Variants in SYT7 observed in about 807,000 individuals in gnomAD.
SYT7 encodes the protein synaptotagmin 7.
In SYT7, 29 loss-of-function variants were observed where a neutral mutation model predicts 75.1. That is an observed-to-expected ratio of 0.39 (90% CI 0.29 to 0.53). SYT7 has a LOEUF of 0.53. SYT7 is among the 20% of genes least tolerant of loss of function. The pLI, the probability that SYT7 is intolerant of heterozygous loss-of-function variation, is 0.77. For missense variants in SYT7, 693 were observed against 953.2 expected (o/e 0.73, Z 3.59); for synonymous variants, 376 against 401.7 (o/e 0.94, Z 0.76).
chr11:61,565,008 G>T (rs1045154975), intron 1 of SYT7, among the ~76,000 whole-genome samples: 4 of 152,098 alleles, frequency 2.6e-5, no homozygotes, highest in African/African-American at 9.7e-5. Context: ...TACTGATCAG[G>T]GTGCAACCAC....
intron 9 of SYT7, 135 bp downstream of exon 9, chr11:61,527,780 T>G: frequency 1.3e-5 from 13 of 997,422 alleles, no homozygotes; most frequent in Non-Finnish European, 1.7e-5. Context: ...TGCTTGCATG[T>G]GTGTTTGTGC....
intron 1 of SYT7, among the ~76,000 whole-genome samples, chr11:61,557,463 A>C (rs2063528871): frequency 6.6e-6 from 1 of 152,174 alleles, no homozygotes; most frequent in Admixed American, 6.5e-5. Flanking sequence ...AGTCACCCTC[A>C]GGGATGACTC....
rs540013742 is a variant in SYT7, at chr11:61,546,104, C to G, written c.499G>C (p.Gly167Arg). 1,010 of 1,531,228 alleles carry G rather than the reference C, an allele frequency of 6.6e-4. 4 individuals are homozygous for G. The African/African-American group carries it at 0.012, about 19-fold the overall frequency. The allele number at this position is 1,531,228 out of a possible 1,614,324, so 94.9% of individuals were successfully genotyped here. Residue 167 changes from glycine (G) to arginine (R), a missense_variant, in exon 5 of 13, where the codon GGT becomes CGT. Physicochemically the swap from Gly to Arg is moderately radical, Grantham distance 125 (BLOSUM62 -2). This residue lies in a region of SYT7 where 487 missense variants were observed against 593.2 expected (regional missense o/e 0.82). Coordinates refer to ENST00000539008, the MANE Select transcript of SYT7 (RefSeq NM_001365809.2). The surrounding 1 kb of genome is among the most constrained non-coding windows in gnomAD (Gnocchi z 7.6). ...GGAAPSEPGSGGKAGRGRWRT... is the reference protein window; with the variant it reads ...GGAAPSEPGSRGKAGRGRWRT... ...CAGCGGCCTCTCCCCGCCTTGCCAC[C>G]GCTGCCCGGCTCGCTGGGGGCAGCC...
At chr11:61,570,663 G>T (rs2063897194) in intron 1 of SYT7, among the ~76,000 whole-genome samples, 2 of 152,144 alleles carry the variant, frequency 1.3e-5, no homozygotes, top group South Asian at 4.1e-4. Context: ...AGATGTGCAG[G>T]TCCCTGAGTT....
the SYT7 span, among the ~76,000 whole-genome samples, chr11:61,587,136 C>T: frequency 6.6e-6 from 1 of 152,198 alleles, no homozygotes; most frequent in African/African-American, 2.4e-5. Flanking sequence ...CCACCTCCCC[C>T]GGGGACTCAG....
At chr11:61,587,923 TG>T in the SYT7 span, among the ~76,000 whole-genome samples, 6 of 148,528 alleles carry the variant, frequency 4.0e-5, no homozygotes, top group Admixed American at 3.3e-4. Context: ...GGTACACAGA[TG>T]GGGGGGCGGG....
At chr11:61,530,561 G>A (rs1235796356) in intron 8 of SYT7, among the ~76,000 whole-genome samples, 1 of 152,192 alleles carries the variant, frequency 6.6e-6, no homozygotes. Flanking sequence ...CCCACTGGCA[G>A]AGGGATCGAG....
chr11:61,551,877 A>C lies in SYT7; in HGVS notation c.136-414T>G, dbSNP rs567504666. 5.9e-5 allele frequency among the ~76,000 whole-genome samples: 9 copies of C among 152,180 alleles called. No individual in the cohort carries two copies. Among genetic ancestry groups the C allele is most frequent in the African/African-American group, 2.2e-4 (9 of 41,530 alleles). ...TGGTGGGGGTGGCATCCTGCAGGGC[A>C]AGGTTGGCAGTGGCCAGTGATGTGA... On this transcript the variant is annotated intron_variant, in intron 2 of 12. Coordinates refer to ENST00000539008, the MANE Select transcript of SYT7 (RefSeq NM_001365809.2). The surrounding 1 kb of genome is among the most constrained non-coding windows in gnomAD (Gnocchi z 5.3).
At chr11:61,562,551 G>A (rs905980662) in intron 1 of SYT7, among the ~76,000 whole-genome samples, 2 of 152,176 alleles carry the variant, frequency 1.3e-5, no homozygotes, top group Non-Finnish European at 1.5e-5. Context: ...TCTGGGGCAC[G>A]GAGTTGGCAC....
chr11:61,556,004 T>C, intron 2 of SYT7, 100 bp downstream of exon 2: 3 of 1,143,620 alleles, frequency 2.6e-6, no homozygotes, highest in Admixed American at 4.4e-5. Flanking sequence ...GTGTGCACCC[T>C]TGGGAAAATT....
chr11:61,576,816 G>T lies in SYT7; in HGVS notation c.31+3974C>A, dbSNP rs1315837912. On this transcript the variant is annotated intron_variant, in intron 1 of 12. Coordinates refer to ENST00000539008, the MANE Select transcript of SYT7 (RefSeq NM_001365809.2). This position sits in a 1 kb window ranked among gnomAD's most constrained non-coding sequence, Gnocchi z 4.1. ...CATCCTGCAATGGCCGGGCTAGAGG[G>T]TGTAACAAGGAGACAGCCCCCACTG... Among the ~76,000 whole-genome samples the T allele has an allele frequency of 6.6e-6, 1 of 152,082 alleles. No homozygotes were observed. Among genetic ancestry groups the T allele is most frequent in the Non-Finnish European group, 1.5e-5 (1 of 67,990 alleles).
chr11:61,575,153 C>A (rs1360987601), intron 1 of SYT7, among the ~76,000 whole-genome samples: 1 of 151,974 alleles, frequency 6.6e-6, no homozygotes, highest in Non-Finnish European at 1.5e-5. Context: ...CTATGGCAGC[C>A]CACTGGGGCT....
In SYT7 at chr11:61,580,603, G is replaced by T. The variant is rs902432679; in HGVS notation, c.31+187C>A. 6.6e-6 allele frequency among the ~76,000 whole-genome samples: 1 copy of T among 152,104 alleles called. No individual in the cohort carries two copies. The highest frequency in any genetic ancestry group is 2.4e-5 in the African/African-American group (1 of 41,452). On this transcript the variant is annotated intron_variant, in intron 1 of 12. Transcript: ENST00000539008. This position sits in a 1 kb window ranked among gnomAD's most constrained non-coding sequence, Gnocchi z 6.1. ...CATCCAGCCTGGCAGTGTCCAGACT[G>T]CGGGGGACCGGGGTCCGAGCCGCTG...
intron 1 of SYT7, among the ~76,000 whole-genome samples, chr11:61,579,820 G>A (rs1203216445): frequency 6.6e-6 from 1 of 152,232 alleles, no homozygotes; most frequent in African/African-American, 2.4e-5. Context: ...GAGAAGCCCA[G>A]AAACAGACCC....
chr11:61,546,505 G>C lies in SYT7; in HGVS notation c.348-250C>G. ...AGCCTGCAGAGGAGAGAGGGGGACC[G>C]GGCGGGCTGGGGGTCGGAGAACAAC... On this transcript the variant is annotated intron_variant, in intron 4 of 12. Coordinates refer to ENST00000539008, the MANE Select transcript of SYT7 (RefSeq NM_001365809.2). This position sits in a 1 kb window ranked among gnomAD's most constrained non-coding sequence, Gnocchi z 7.6. The C allele has an allele frequency of 3.7e-6, 2 of 541,846 alleles. No individual in the cohort carries two copies. The highest frequency in any genetic ancestry group is 3.8e-5 in the South Asian group (2 of 52,976). 33.6% of individuals were successfully genotyped at this position (541,846 alleles called of 1,614,324 possible). A position where few individuals can be genotyped will look rare whatever the true frequency, so the allele number is the denominator to read the frequency against.
rs1215356252 is a variant in SYT7 at position 61,576,878 on chromosome 11, G to A, written c.31+3912C>T. On this transcript the variant is annotated intron_variant, in intron 1 of 12. Coordinates refer to ENST00000539008, the MANE Select transcript of SYT7 (RefSeq NM_001365809.2). The surrounding 1 kb of genome is among the most constrained non-coding windows in gnomAD (Gnocchi z 4.1). ...TGCCCTCAATGCCCCTTAAGCCTGAGCTTGGGGTCAGCCAGGAGCAGAACC... is the reference window on the plus strand; with the variant it reads ...TGCCCTCAATGCCCCTTAAGCCTGAACTTGGGGTCAGCCAGGAGCAGAACC... Among the ~76,000 whole-genome samples, 2 of 152,110 alleles carry A rather than the reference G, an allele frequency of 1.3e-5. No individual in the cohort carries two copies. Among genetic ancestry groups the A allele is most frequent in the African/African-American group, 4.8e-5 (2 of 41,400 alleles).
At chr11:61,574,538 C>T (rs920627338) in intron 1 of SYT7, among the ~76,000 whole-genome samples, 2 of 152,084 alleles carry the variant, frequency 1.3e-5, no homozygotes, top group African/African-American at 2.4e-5. Context: ...ATTCCTTAAG[C>T]TGGTCCCTCT....
At position 61,559,920 on chromosome 11, in the gene SYT7, C is replaced by T. The variant is rs140473196; in HGVS notation, c.32-3713G>A. ...GGGGTCTAGGAGAACTAGGCTGAGA[C>T]CCTAGTCCAGCTGCTAACCAGCCAT... On this transcript the variant is annotated intron_variant, in intron 1 of 12. Transcript: ENST00000539008. Among the ~76,000 whole-genome samples, 656 of 152,274 alleles carry T rather than the reference C, an allele frequency of 4.3e-3. 4 individuals carry two copies. The highest frequency in any genetic ancestry group is 0.015 in the African/African-American group (606 of 41,536).
At position 61,551,582 on chromosome 11, in the gene SYT7, A is replaced by T. The variant is rs1453418125; in HGVS notation, c.136-119T>A. ...GGAGTCGGGCCGTGGCAACAAGGCC[A>T]GGACCAGTGTGCGAGGCTGTCACCG... On this transcript the variant is annotated intron_variant, in intron 2 of 12. Coordinates refer to ENST00000539008, the MANE Select transcript of SYT7 (RefSeq NM_001365809.2). This position sits in a 1 kb window ranked among gnomAD's most constrained non-coding sequence, Gnocchi z 5.3. 2.4e-5 allele frequency: 25 copies of T among 1,022,290 alleles called. No individual in the cohort carries two copies. Among genetic ancestry groups the T allele is most frequent in the Non-Finnish European group, 4.4e-6 (3 of 679,640 alleles). The allele number at this position is 1,022,290 out of a possible 1,614,324, so 63.3% of individuals were successfully genotyped here.
Sources: gnomAD v4.1 joint callset for allele counts (sites outside exome capture counted in the v4.1 genomes callset) on GRCh38, gnomAD v4.1.1 for gene constraint, gnomAD v4.1.1 regional missense constraint, Gnocchi (gnomAD v3.1) non-coding constraint, MANE v1.5 for transcripts, NCBI Gene and HGNC (gene_info 2026-07-23, HGNC 2026-07-21) for gene names.